CPT1A: variants seen among roughly 807,000 people sequenced by gnomAD.
CPT1A encodes the protein carnitine palmitoyltransferase 1A, also known as carnitine O-palmitoyltransferase 1, liver isoform.
Under a neutral mutation model 100.8 loss-of-function variants are expected in CPT1A, and 64 were observed. The observed-to-expected ratio is 0.63, with a 90% CI of 0.52 to 0.78. The LOEUF (loss-of-function observed/expected upper bound fraction) is 0.78, where lower values mean the gene tolerates loss of function less well. CPT1A is among the 30% of genes least tolerant of loss of function. CPT1A has a pLI of 0.00. For missense variants in CPT1A, 802 were observed against 1,034.1 expected (o/e 0.78, Z 3.08); for synonymous variants, 363 against 396.0 (o/e 0.92, Z 0.99).
intron 13 of CPT1A, 49 bp downstream of exon 13, chr11:68,775,267 G>A: frequency 6.9e-7 from 1 of 1,439,318 alleles, no homozygotes; most frequent in East Asian, 2.3e-5. Context: ...GACTTCAAAT[G>A]TGTTTCCCAT....
chr11:68,829,221 C>T (rs571769314), intron 1 of CPT1A, among the ~76,000 whole-genome samples: 4 of 152,298 alleles, frequency 2.6e-5, no homozygotes, highest in Admixed American at 6.5e-5. Context: ...ACCAGCAACA[C>T]GTCTGCTCTA....
chr11:68,760,352 C>A lies in CPT1A; in HGVS notation c.2029-14G>T, dbSNP rs780340948. The A allele has an allele frequency of 1.9e-6, 3 of 1,595,804 alleles. No individual in the cohort carries two copies. Among genetic ancestry groups the A allele is most frequent in the Non-Finnish European group, 2.6e-6 (3 of 1,168,228 alleles). On this transcript the variant is annotated splice_polypyrimidine_tract_variant and intron_variant, in intron 16 of 18. Coordinates refer to ENST00000265641, the MANE Select transcript of CPT1A (RefSeq NM_001876.4). ...CTCAGATAAAACCTATTGAGTGAAA[C>A]AGGGAAATGTTTCCTAATCCCCTCC...
chr11:68,773,820 C>T (rs765295280), intron 13 of CPT1A: 7 of 307,162 alleles, frequency 2.3e-5, no homozygotes, highest in African/African-American at 4.3e-5. Flanking sequence ...AGCAGCTTCC[C>T]GATAAGATCT....
At chr11:68,779,358 G>T (rs771268014) in intron 12 of CPT1A, among the ~76,000 whole-genome samples, 2 of 152,106 alleles carry the variant, frequency 1.3e-5, no homozygotes, top group Non-Finnish European at 2.9e-5. Context: ...TCTGTGTCAA[G>T]TCTACGGATG....
intron 8 of CPT1A, among the ~76,000 whole-genome samples, 162 bp from the exon 9 acceptor site, chr11:68,793,564 T>G (rs1594344628): frequency 6.6e-6 from 1 of 152,034 alleles, no homozygotes; most frequent in Admixed American, 6.6e-5. Context: ...GCTAACACAG[T>G]GAAACCCCGT....
At chr11:68,815,298 G>A in intron 2 of CPT1A, 36 bp downstream of exon 2, 1 of 1,608,806 alleles carries the variant, frequency 6.2e-7, no homozygotes, top group East Asian at 2.2e-5. Context: ...GATATTAAAA[G>A]GCATACTGTG....
At chr11:68,814,020 C>T (rs1039952118) in intron 2 of CPT1A, among the ~76,000 whole-genome samples, 5 of 152,000 alleles carry the variant, frequency 3.3e-5, no homozygotes, top group African/African-American at 9.7e-5. Flanking sequence ...ACTTCAGTGC[C>T]GCCCTCGGAG....
intron 1 of CPT1A, among the ~76,000 whole-genome samples, chr11:68,827,584 G>A (rs1856764170): frequency 7.1e-6 from 1 of 140,836 alleles, no homozygotes; most frequent in Non-Finnish European, 1.5e-5. Context: ...ATCTCACTAT[G>A]TTGCCCAGGC....
rs557637449 is a variant in CPT1A at position 68,806,491 on chromosome 11, G to A, written c.453+976C>T. On this transcript the variant is annotated intron_variant, in intron 4 of 18. Transcript: ENST00000265641. ...AAAAATATAAAAATTAGTCAGCCAT[G>A]GTGGTGTACACCTATAGTTCCAGCT... Among the ~76,000 whole-genome samples, 6 of 152,176 alleles carry A rather than the reference G, an allele frequency of 3.9e-5. 1 individual carries two copies. The highest frequency in any genetic ancestry group is 1.4e-4 in the African/African-American group (6 of 41,536).
chr11:68,838,572 T>TGAAAAAAAAAAAAAAAA, intron 1 of CPT1A, among the ~76,000 whole-genome samples: 1 of 95,514 alleles, frequency 1.0e-5, no homozygotes, highest in Non-Finnish European at 1.8e-5. Flanking sequence ...TGCACCTTTT[T>TGAAAAAAAAAAAAAAAA]AAAAAAAAAA....
At chr11:68,840,996 C>T (rs1251493248) in intron 1 of CPT1A, among the ~76,000 whole-genome samples, 1 of 152,220 alleles carries the variant, frequency 6.6e-6, no homozygotes, top group African/African-American at 2.4e-5. Flanking sequence ...CCCAAGCAGG[C>T]ACTGGGCCCG....
At chr11:68,842,403 G>A (rs1265311554), upstream of CPT1A, among the ~76,000 whole-genome samples, 1 of 151,954 alleles carries the variant, frequency 6.6e-6, no homozygotes, top group East Asian at 1.9e-4. Context: ...CCAGGAGTTC[G>A]AGGCCAGCCT....
chr11:68,835,625 T>TG (rs143586766), intron 1 of CPT1A, among the ~76,000 whole-genome samples: 8,167 of 152,200 alleles, frequency 0.054, 281 homozygotes, highest in South Asian at 0.13. Context: ...GAATGACAGG[T>TG]TCAGACCCAC....
At chr11:68,774,447 A>T (rs867340189) in intron 13 of CPT1A, among the ~76,000 whole-genome samples, 1 of 151,458 alleles carries the variant, frequency 6.6e-6, no homozygotes, top group South Asian at 2.1e-4. Context: ...TTTATTATTA[A>T]TTTTTATTTA....
rs1491356211 is a variant in CPT1A at position 68,838,572 on chromosome 11, T to TTTAAAAAAA, written c.-14+3202_-14+3203insTTTTTTTAA. On this transcript the variant is annotated intron_variant, in intron 1 of 18. Transcript: ENST00000265641. ...ACTCTACTCTGTATCTGCACCTTTT[T>TTTAAAAAAA]AAAAAAAAAAAAAAAAAAACAGAGA... Among the ~76,000 whole-genome samples, 333 of 95,528 alleles carry TTTAAAAAAA rather than the reference T, an allele frequency of 3.5e-3. 15 individuals carry two copies. Among genetic ancestry groups the TTTAAAAAAA allele is most frequent in the African/African-American group, 0.017 (330 of 19,764 alleles). 62.7% of individuals were successfully genotyped at this position (95,528 alleles called of 152,430 possible).
rs141868515 is a variant in CPT1A, at chr11:68,759,650, G to A, written c.2154C>T (p.Asp718=). 31 of 1,611,912 alleles carry A rather than the reference G, an allele frequency of 1.9e-5. No homozygotes were observed. Among genetic ancestry groups the A allele is most frequent in the African/African-American group, 1.6e-4 (12 of 74,848 alleles). The change falls in exon 18 of 19, where the codon GAC becomes GAT. Residue 718 remains aspartate, a synonymous_variant. Transcript: ENST00000265641. ...SGGGFGPVAD[D]GYGVSYILVG... ...CAAGGATGTACGACACACCATAGCC[G>A]TCATCAGCAACCTGGAGGACAAGGG...
chr11:68,839,377 G>A (rs1007290479), intron 1 of CPT1A, among the ~76,000 whole-genome samples: 8 of 152,170 alleles, frequency 5.3e-5, no homozygotes, highest in Admixed American at 6.5e-5. Flanking sequence ...CCCGGGCGGC[G>A]TCACGTGACG....
chr11:68,819,101 C>T (rs552899346), intron 1 of CPT1A, among the ~76,000 whole-genome samples: 1 of 152,030 alleles, frequency 6.6e-6, no homozygotes, highest in African/African-American at 2.4e-5. Context: ...TTTTTTGAGA[C>T]GGAGTCTCAC....
chr11:68,810,854 G>A (rs544774543), intron 3 of CPT1A, among the ~76,000 whole-genome samples: 19 of 151,868 alleles, frequency 1.3e-4, no homozygotes, highest in African/African-American at 3.9e-4. Context: ...GCATGGTGGC[G>A]GACACCTGTA....
Sources: allele counts gnomAD v4.1 joint callset (sites outside exome capture counted in the v4.1 genomes callset), GRCh38; gene constraint gnomAD v4.1.1; transcripts MANE v1.5; gene names NCBI Gene and HGNC (gene_info 2026-07-23, HGNC 2026-07-21).